The following DNAAF3 variants were observed in gnomAD, a reference collection of about 807,000 sequenced individuals.
The protein encoded by DNAAF3 is UPF0470 protein C19orf51.
In DNAAF3, 40 loss-of-function variants were observed where a neutral mutation model predicts 50.9. That is an observed-to-expected ratio of 0.79 (90% confidence interval 0.61 to 1.02). The LOEUF (loss-of-function observed/expected upper bound fraction) is 1.02. DNAAF3 is among the 50% of genes least tolerant of loss of function. DNAAF3 has a pLI of 0.00. For missense variants in DNAAF3, 763 were observed against 744.7 expected (o/e 1.02, Z -0.29); for synonymous variants, 327 against 322.8 (o/e 1.01, Z -0.14).
At chr19:55,163,033 G>A (rs1279883200) in intron 4 of DNAAF3, among the ~76,000 whole-genome samples, 1 of 109,706 alleles carries the variant, frequency 9.1e-6, no homozygotes, top group African/African-American at 3.6e-5. Context: ...TTTTTGAGAC[G>A]GAGTCTCGCT....
Position 55,161,201 on chromosome 19 carries a change from G to T in DNAAF3, c.790-14C>A. The T allele has an allele frequency of 6.3e-7, 1 of 1,581,190 alleles. No individual in the cohort carries two copies. The highest frequency in any genetic ancestry group is 8.6e-7 in the Non-Finnish European group (1 of 1,162,400). On this transcript the variant is annotated splice_polypyrimidine_tract_variant and intron_variant, in intron 7 of 11. Coordinates refer to ENST00000524407, the MANE Select transcript of DNAAF3 (RefSeq NM_001256715.2). The surrounding 1 kb of genome is among the most constrained non-coding windows in gnomAD (Gnocchi z 6.4). ...GCGCTCCCCACGCTGGAAAAGGAGG[G>T]AGAGAGGAGGCAGGTGAGGTCGATG...
chr19:55,161,621 G>T lies in DNAAF3; in HGVS notation c.663+22C>A, dbSNP rs2085834787. 1.3e-6 allele frequency: 2 copies of T among 1,526,382 alleles called. No individual in the cohort carries two copies. Among genetic ancestry groups the T allele is most frequent in the Non-Finnish European group, 1.8e-6 (2 of 1,140,338 alleles). The allele number at this position is 1,526,382 out of a possible 1,614,324, so 94.6% of individuals were successfully genotyped here. A position where few individuals can be genotyped will look rare whatever the true frequency, so the allele number is the denominator to read the frequency against. ...TCAGACCCAGGGGTCCAGGCCCCCA[G>T]CCCCTCTCCTGGGCCCCTCACCCCG... On this transcript the variant is annotated intron_variant, in intron 6 of 11. Coordinates refer to ENST00000524407, the MANE Select transcript of DNAAF3 (RefSeq NM_001256715.2). The surrounding 1 kb of genome is among the most constrained non-coding windows in gnomAD (Gnocchi z 6.4).
In DNAAF3 at chr19:55,166,235, C is replaced by T. The variant is rs942553665; in HGVS notation, c.85+94G>A. 1 of 1,552,376 alleles carries T rather than the reference C, an allele frequency of 6.4e-7. No individual in the cohort carries two copies. Among genetic ancestry groups the T allele is most frequent in the Non-Finnish European group, 8.7e-7 (1 of 1,148,408 alleles). ...AGCGTTGGAGAACGTTAGCGCCCCC[C>T]TTGCCACCGACGCTGGGACTACGAG... On this transcript the variant is annotated intron_variant, in intron 2 of 11. Coordinates refer to ENST00000524407, the MANE Select transcript of DNAAF3 (RefSeq NM_001256715.2). The surrounding 1 kb of genome is among the most constrained non-coding windows in gnomAD (Gnocchi z 4.0).
intron 4 of DNAAF3, among the ~76,000 whole-genome samples, chr19:55,165,023 T>C (rs796760948): frequency 0.022 from 1,211 of 55,248 alleles, 27 homozygotes; most frequent in African/African-American, 0.16. Flanking sequence ...TTCGCTCTCT[T>C]TTTTTTTTTT....
intron 4 of DNAAF3, among the ~76,000 whole-genome samples, chr19:55,163,028 G>A (rs1372810515): frequency 1.9e-4 from 4 of 21,376 alleles, no homozygotes; most frequent in Admixed American, 1.6e-3. Context: ...TTTTTTTTTT[G>A]AGACGGAGTC....
In DNAAF3 at chr19:55,162,413, G is replaced by T. The variant is rs539161689; in HGVS notation, c.323-123C>A. ...CAATGAACCCCCGCAAACTCCCCAC[G>T]CATCCCAAAAACTACATGAAGAACA... On this transcript the variant is annotated intron_variant, in intron 4 of 11. Coordinates refer to ENST00000524407, the MANE Select transcript of DNAAF3 (RefSeq NM_001256715.2). The T allele has an allele frequency of 5.1e-5, 56 of 1,108,342 alleles. No homozygotes were observed. The South Asian group carries it at 5.7e-4, about 11-fold the overall frequency. 68.7% of individuals were successfully genotyped at this position (1,108,342 alleles called of 1,614,324 possible). A position where few individuals can be genotyped will look rare whatever the true frequency, so the allele number is the denominator to read the frequency against.
At position 55,166,408 on chromosome 19, in the gene DNAAF3, G is replaced by T; in HGVS notation, c.6C>A (p.Thr2=). 1 of 1,613,796 alleles carries T rather than the reference G, an allele frequency of 6.2e-7. No homozygotes were observed. The highest frequency in any genetic ancestry group is 8.5e-7 in the Non-Finnish European group (1 of 1,179,884). Residue 2 remains threonine (T), a synonymous_variant, in exon 2 of 12, where the codon ACC becomes ACA. Transcript: ENST00000524407. The surrounding 1 kb of genome is among the most constrained non-coding windows in gnomAD (Gnocchi z 4.0). ...AGCCGCTGCCGGAGCCGGCAGGTGT[G>T]GTCATCACCCTGCGGAAAAGACATT... M[T]TPAGSGSGFG...
Position 55,161,384 on chromosome 19 carries a change from C to A in DNAAF3, c.698G>T (p.Trp233Leu), listed in dbSNP as rs1392029622. 1 of 1,602,232 alleles carries A rather than the reference C, an allele frequency of 6.2e-7. No homozygotes were observed. The highest frequency in any genetic ancestry group is 8.5e-7 in the Non-Finnish European group (1 of 1,174,582). The change falls in exon 7 of 12, where the codon TGG (tryptophan) becomes TTG (leucine). Residue 233 changes from tryptophan to leucine, a missense_variant. Transcript: ENST00000524407. This position sits in a 1 kb window ranked among gnomAD's most constrained non-coding sequence, Gnocchi z 6.4. ...TTCAAAGGCGACGCCTGTGTCCCGCCAGCGTCGGAACTCCTGGGGGTGAAT... is the reference window on the plus strand; with the variant it reads ...TTCAAAGGCGACGCCTGTGTCCCGCAAGCGTCGGAACTCCTGGGGGTGAAT... ...QVIHPQEFRR[W>L]RDTGVAFELR...
At position 55,159,226 on chromosome 19, in the gene DNAAF3, G is replaced by T; in HGVS notation, c.1462C>A (p.Pro488Thr). The change falls in exon 12 of 12, where the codon CCA becomes ACA. Residue 488 changes from proline to threonine, a missense_variant. Physicochemically the swap from Pro to Thr is conservative, Grantham distance 38 (BLOSUM62 -1). Transcript: ENST00000524407. ...ILAQPLEASN[P>T]ALEGLTQPLQ... ...GGCTGGGTCAGGCCCTCAAGGGCTG[G>T]GTTGCTGGCTTCAAGAGGCTGGGCC... is the stretch of plus-strand genomic sequence containing the variant. 1.2e-6 allele frequency: 2 copies of T among 1,613,942 alleles called. No homozygotes were observed. The highest frequency in any genetic ancestry group is 1.7e-6 in the Non-Finnish European group (2 of 1,180,010).
intron 4 of DNAAF3, among the ~76,000 whole-genome samples, chr19:55,164,524 T>C (rs1442755678): frequency 6.9e-6 from 1 of 145,484 alleles, no homozygotes; most frequent in East Asian, 1.9e-4. Flanking sequence ...TTTCTTTTTC[T>C]TTCTTTCTTT....
Position 55,166,309 on chromosome 19 carries a change from C to T in DNAAF3, c.85+20G>A, listed in dbSNP as rs781531507. 5 of 1,612,032 alleles carry T rather than the reference C, an allele frequency of 3.1e-6. No individual in the cohort carries two copies. The highest frequency in any genetic ancestry group is 1.1e-5 in the South Asian group (1 of 90,950). On this transcript the variant is annotated intron_variant, in intron 2 of 11. Coordinates refer to ENST00000524407, the MANE Select transcript of DNAAF3 (RefSeq NM_001256715.2). The surrounding 1 kb of genome is among the most constrained non-coding windows in gnomAD (Gnocchi z 4.0). Reference sequence around the variant, plus strand: ...CTGGGAAGGCAGACGGTGTATCAGACCTTGCGTGCTGGGACTCACTTTCAG... The same window carrying T: ...CTGGGAAGGCAGACGGTGTATCAGATCTTGCGTGCTGGGACTCACTTTCAG...
At chr19:55,165,733 C>G (rs1807896011) in intron 3 of DNAAF3, 125 bp downstream of exon 3, 2 of 1,488,260 alleles carry the variant, frequency 1.3e-6, no homozygotes, top group Non-Finnish European at 1.8e-6. Context: ...TCGCTCCCAG[C>G]TTCTGCCTCC....
In DNAAF3 at chr19:55,165,449, C is replaced by G. The variant is rs1272525932; in HGVS notation, c.243G>C (p.Glu81Asp). Reference protein sequence around the residue: ...PRRRFNFFVLENNLEAVARHM... With the variant: ...PRRRFNFFVLDNNLEAVARHM... ...GTCGGGCCACAGCTTCCAGATTATT[C>G]TCCAGCACAAAGAACTAGAAGGATG... The change falls in exon 4 of 12, where the codon GAG becomes GAC. Residue 81 changes from glutamate (E) to aspartate (D), a missense_variant. Coordinates refer to ENST00000524407, the MANE Select transcript of DNAAF3 (RefSeq NM_001256715.2). 6.2e-7 allele frequency: 1 copy of G among 1,613,962 alleles called. No individual in the cohort carries two copies. Among genetic ancestry groups the G allele is most frequent in the Non-Finnish European group, 8.5e-7 (1 of 1,180,026 alleles).
Position 55,166,048 on chromosome 19 carries a change from T to TGCC in DNAAF3, c.86-49_86-48insGGC. The TGCC allele has an allele frequency of 1.2e-6, 2 of 1,613,898 alleles. No individual in the cohort carries two copies. The highest frequency in any genetic ancestry group is 1.7e-6 in the Non-Finnish European group (2 of 1,179,964). The stretch of plus-strand genomic sequence containing the variant: ...GGGCACCATGGTGGTTGGCAGAGCG[T>TGCC]CCACCGTAGCATCCCCTATAAAAAA... On this transcript the variant is annotated intron_variant, in intron 2 of 11. Transcript: ENST00000524407. The surrounding 1 kb of genome is among the most constrained non-coding windows in gnomAD (Gnocchi z 4.0).
In DNAAF3 at chr19:55,161,798, C is replaced by A. The variant is rs761802279; in HGVS notation, c.508G>T (p.Val170Leu). Residue 170 changes from valine to leucine, a missense_variant, in exon 6 of 12, where the codon GTA (valine) becomes TTA (leucine). By Grantham distance (32) the Val-to-Leu change is conservative. Transcript: ENST00000524407. The surrounding 1 kb of genome is among the most constrained non-coding windows in gnomAD (Gnocchi z 6.4). The stretch of plus-strand genomic sequence containing the variant: ...TCGCCGCCAGCCCAGAAGCGGAATA[C>A]GGCCTCCAGGGCATCCCGCTCGCGG... ...KFRERDALEA[V>L]FRFWAGGEKG... 1.2e-5 allele frequency: 17 copies of A among 1,477,256 alleles called. No homozygotes were observed. In the African/African-American group the frequency reaches 2.3e-4, roughly 20 times the overall value. 91.5% of individuals were successfully genotyped at this position (1,477,256 alleles called of 1,614,324 possible).
At position 55,160,728 on chromosome 19, in the gene DNAAF3, G is replaced by A. The variant is rs200938793; in HGVS notation, c.960C>T (p.Asp320=). The A allele has an allele frequency of 1.9e-6, 3 of 1,612,894 alleles. No homozygotes were observed. Among genetic ancestry groups the A allele is most frequent in the East Asian group, 2.2e-5 (1 of 44,846 alleles). Residue 320 remains aspartate (D), a synonymous_variant, in exon 9 of 12, where the codon GAC becomes GAT. Transcript: ENST00000524407. This position sits in a 1 kb window ranked among gnomAD's most constrained non-coding sequence, Gnocchi z 4.7. ...CTCTCGCGCGCCCCCAGGCGGCCAC[G>A]TCGCGGAGCAGCTCCGTCACGTTGT... The part of the protein sequence containing the change: ...TQHNVTELLR[D]VAAWGRARAT...
rs1026878171 is a variant in DNAAF3 at position 55,160,766 on chromosome 19, C to T, written c.922G>A (p.Glu308Lys). The change falls in exon 9 of 12, where the codon GAG (glutamate) becomes AAG (lysine). Residue 308 changes from glutamate (E) to lysine (K), a missense_variant. Glu to Lys is a moderately conservative substitution (Grantham distance 56, BLOSUM62 1). Coordinates refer to ENST00000524407, the MANE Select transcript of DNAAF3 (RefSeq NM_001256715.2). The surrounding 1 kb of genome is among the most constrained non-coding windows in gnomAD (Gnocchi z 4.7). ...TCCGTCACGTTGTGTTGAGTGATCT[C>T]CCCGGCCGTCTAACAGTAGAAGGGG... is the stretch of plus-strand genomic sequence containing the variant. The part of the protein sequence containing the change: ...SNGQPVKTAG[E>K]ITQHNVTELL... 1.8e-5 allele frequency: 29 copies of T among 1,610,178 alleles called. No homozygotes were observed. The highest frequency in any genetic ancestry group is 2.5e-5 in the Non-Finnish European group (29 of 1,179,478).
rs1348773190 is a variant in DNAAF3, at chr19:55,160,653, C to T, written c.1035G>A (p.Glu345=). Residue 345 remains glutamate, a synonymous_variant, in exon 9 of 12, where the codon GAG becomes GAA. Coordinates refer to ENST00000524407, the MANE Select transcript of DNAAF3 (RefSeq NM_001256715.2). This position sits in a 1 kb window ranked among gnomAD's most constrained non-coding sequence, Gnocchi z 4.7. Reference sequence around the variant, plus strand: ...TCCCTGGCTTACCTGGAGTCCCTGGCTCCGGGCTTCCCTCCGCGTGCTGCT... The same window carrying T: ...TCCCTGGCTTACCTGGAGTCCCTGGTTCCGGGCTTCCCTCCGCGTGCTGCT... ...EEQQHAEGSP[E]PGTPAAPTPE... 6.2e-7 allele frequency: 1 copy of T among 1,613,958 alleles called. No individual in the cohort carries two copies. Among genetic ancestry groups the T allele is most frequent in the Non-Finnish European group, 8.5e-7 (1 of 1,179,958 alleles).
At chr19:55,165,719 C>T (rs918498626) in intron 3 of DNAAF3, 139 bp downstream of exon 3, 5 of 1,424,014 alleles carry the variant, frequency 3.5e-6, no homozygotes, top group Non-Finnish European at 3.8e-6. Flanking sequence ...CAAGACGCAT[C>T]GGTTCGCTCC....
Sources: allele counts gnomAD v4.1 joint callset (sites outside exome capture counted in the v4.1 genomes callset), GRCh38; gene constraint gnomAD v4.1.1; non-coding constraint Gnocchi (gnomAD v3.1); transcripts MANE v1.5; gene names NCBI Gene and HGNC (gene_info 2026-07-23, HGNC 2026-07-21).